Variants in FARP1 observed in about 807,000 individuals in gnomAD.
FARP1 encodes the protein FERM, ARHGEF and pleckstrin domain-containing protein 1.
FARP1 carries 52 observed loss-of-function variants against 128.8 expected under a neutral mutation model. The ratio of observed to expected loss-of-function variants is 0.40; its 90% confidence interval spans 0.32 to 0.51. The LOEUF (loss-of-function observed/expected upper bound fraction) is 0.51, where lower values mean the gene tolerates loss of function less well. Ranked by LOEUF, FARP1 falls within the 20% of genes least tolerant of loss-of-function variation. FARP1 has a pLI of 0.45. For synonymous variants in FARP1, 580 were observed against 551.8 expected (o/e 1.05, Z -0.72); for missense variants, 1,333 against 1,367.9 (o/e 0.97, Z 0.40).
chr13:98,430,390 C>T (rs1443850891), intron 17 of FARP1, among the ~76,000 whole-genome samples: 2 of 152,230 alleles, frequency 1.3e-5, no homozygotes, highest in African/African-American at 2.4e-5. Flanking sequence ...TGCTCTCCCC[C>T]TATCTGCCTG....
intron 1 of FARP1, among the ~76,000 whole-genome samples, chr13:98,210,828 C>A (rs1323202696): frequency 1.3e-5 from 2 of 152,210 alleles, no homozygotes; most frequent in African/African-American, 4.8e-5. Flanking sequence ...GGATTACAGG[C>A]GTGAGCCACC....
rs146718283 is a variant in FARP1, at chr13:98,266,789, A to G, written c.171+53376A>G. ...CATTTTGGGAGGCAGAGGTGGGTGG[A>G]TCGCTTGAGGTCAGGAGTTCGAGAC... On this transcript the variant is annotated intron_variant, in intron 2 of 26. Transcript: ENST00000319562. 1.2e-3 allele frequency among the ~76,000 whole-genome samples: 180 copies of G among 152,236 alleles called. 7 individuals carry two copies. The East Asian group carries it at 0.034, about 29-fold the overall frequency.
At chr13:98,343,933 G>T in intron 3 of FARP1, 67 bp downstream of exon 3, 4 of 1,026,744 alleles carry the variant, frequency 3.9e-6, no homozygotes, top group South Asian at 3.8e-5. Flanking sequence ...CTGGGCAGGG[G>T]CCAGTCTAAA....
At chr13:98,306,186 T>A (rs1402555165) in intron 2 of FARP1, among the ~76,000 whole-genome samples, 1 of 152,246 alleles carries the variant, frequency 6.6e-6, no homozygotes, top group African/African-American at 2.4e-5. Context: ...GAAGTTTGCA[T>A]TGTGTTGTTG....
chr13:98,267,038 G>GA (rs1305661329), intron 2 of FARP1, among the ~76,000 whole-genome samples: 4 of 140,268 alleles, frequency 2.9e-5, no homozygotes, highest in Admixed American at 7.6e-5. Context: ...AAAAAAAGGG[G>GA]TGGTATACAA....
At chr13:98,153,297 A>AATATATATTATATATAAAATATATAAAT (rs375607675) in intron 1 of FARP1, among the ~76,000 whole-genome samples, 2 of 115,000 alleles carry the variant, frequency 1.7e-5, no homozygotes, top group Non-Finnish European at 3.6e-5. Flanking sequence ...AATATATATA[A>AATATATATTATATATAAAATATATAAAT]ATATATTTAT....
At chr13:98,264,579 A>G (rs948158368) in intron 2 of FARP1, among the ~76,000 whole-genome samples, 8 of 152,208 alleles carry the variant, frequency 5.3e-5, no homozygotes, top group African/African-American at 1.9e-4. Context: ...CAATCTGGAT[A>G]TGCCAAAGAG....
At chr13:98,440,953 C>A in intron 24 of FARP1, 117 bp downstream of exon 24, 1 of 1,017,798 alleles carries the variant, frequency 9.8e-7, no homozygotes, top group Non-Finnish European at 1.4e-6. Context: ...CCCACCTACC[C>A]GCGGTGGCTG....
chr13:98,431,261 C>T lies in FARP1; in HGVS notation c.2124C>T (p.Ala708=), dbSNP rs1207703645. ...GCAAACACCACCCGCCGAGCCACGC[C>T]GACTTCAGGGACTGCCGAGGTGAGT... ...RLCKHHPPSH[A]DFRDCRAALA... is the part of the protein sequence containing the mutation. The change falls in exon 18 of 27, where the codon GCC becomes GCT. Residue 708 remains alanine (A), a synonymous_variant. Coordinates refer to ENST00000319562, the MANE Select transcript of FARP1 (RefSeq NM_005766.4). 9 of 1,590,584 alleles carry T rather than the reference C, an allele frequency of 5.7e-6. No individual in the cohort carries two copies. Among genetic ancestry groups the T allele is most frequent in the Admixed American group, 5.3e-5 (3 of 56,660 alleles).
intron 1 of FARP1, among the ~76,000 whole-genome samples, chr13:98,168,952 A>C (rs572196957): frequency 6.6e-6 from 1 of 152,326 alleles, no homozygotes; most frequent in South Asian, 2.1e-4. Flanking sequence ...GTTGGTGTGT[A>C]TATCATTATG....
chr13:98,444,594 G>T (rs369118615), intron 24 of FARP1, among the ~76,000 whole-genome samples: 2 of 152,332 alleles, frequency 1.3e-5, no homozygotes, highest in South Asian at 4.1e-4. Flanking sequence ...ACAGGGGAGC[G>T]GGAGGCTCGG....
chr13:98,276,758 G>A lies in FARP1; in HGVS notation c.171+63345G>A, dbSNP rs1456956055. On this transcript the variant is annotated intron_variant, in intron 2 of 26. Transcript: ENST00000319562. ...AAATGAACCATAATATAATTGCATA[G>A]GATGTAGAATATCCATTGCTTTCCC... Among the ~76,000 whole-genome samples, 178 of 152,284 alleles carry A rather than the reference G, an allele frequency of 1.2e-3. 3 individuals are homozygous for A. Among genetic ancestry groups the A allele is most frequent in the Non-Finnish European group, 1.6e-4 (11 of 68,030 alleles).
rs1211938566 is a variant in FARP1 at position 98,395,380 on chromosome 13, G to A, written c.1318G>A (p.Ala440Thr). The change falls in exon 13 of 27, where the codon GCG becomes ACG. Residue 440 changes from alanine to threonine, a missense_variant. This residue lies in a region of FARP1 where 1,009 missense variants were observed against 969.8 expected (regional missense o/e 1.04). Transcript: ENST00000319562. ...PRRSPAGNKQ[A>T]DGAASAPTEE... Reference sequence around the variant, plus strand: ...GAGAAGCCCCGCGGGTAACAAGCAGGCGGACGGAGCCGCCTCGGCGCCCAC... The same window carrying A: ...GAGAAGCCCCGCGGGTAACAAGCAGACGGACGGAGCCGCCTCGGCGCCCAC... 3.7e-6 allele frequency: 6 copies of A among 1,611,752 alleles called. No individual in the cohort carries two copies. Among genetic ancestry groups the A allele is most frequent in the Non-Finnish European group, 5.1e-6 (6 of 1,179,156 alleles).
chr13:98,436,012 G>A lies in FARP1; in HGVS notation c.2274+306G>A, dbSNP rs188450640. On this transcript the variant is annotated intron_variant, in intron 19 of 26. Transcript: ENST00000319562. ...ATTGCTTATTTTATTTTTTTTAAATGTACATAAATGAAAATGGAAAATTAA... is the reference window on the plus strand; with the variant it reads ...ATTGCTTATTTTATTTTTTTTAAATATACATAAATGAAAATGGAAAATTAA... 592 of 349,554 alleles carry A rather than the reference G, an allele frequency of 1.7e-3. 5 individuals are homozygous for A. The highest frequency in any genetic ancestry group is 0.012 in the African/African-American group (552 of 46,570). 21.7% of individuals were successfully genotyped at this position (349,554 alleles called of 1,614,324 possible). A position where few individuals can be genotyped will look rare whatever the true frequency, so the allele number is the denominator to read the frequency against.
intron 2 of FARP1, among the ~76,000 whole-genome samples, chr13:98,248,532 A>G (rs1883176901): frequency 6.6e-6 from 1 of 152,206 alleles, no homozygotes. Flanking sequence ...TGTTAAATCT[A>G]GGATATGCTG....
intron 2 of FARP1, among the ~76,000 whole-genome samples, chr13:98,224,222 G>A (rs574613799): frequency 6.6e-6 from 1 of 152,160 alleles, no homozygotes; most frequent in East Asian, 1.9e-4. Context: ...CTACAAACCC[G>A]TGGCTTAAAA....
Position 98,368,224 on chromosome 13 carries a change from TGC to T in FARP1, c.398+30_398+31del, listed in dbSNP as rs1441211273. The stretch of plus-strand genomic sequence containing the variant: ...AGTGGTTTGGAAACTGTGTATTTTT[TGC>T]TACAGAGTACAGAGGAAAAGAGAAA... On this transcript the variant is annotated intron_variant, in intron 5 of 26. Transcript: ENST00000319562. 4 of 1,517,912 alleles carry T rather than the reference TGC, an allele frequency of 2.6e-6. No homozygotes were observed. In the African/African-American group the frequency reaches 5.5e-5, roughly 21 times the overall value. The allele number at this position is 1,517,912 out of a possible 1,614,324, so 94.0% of individuals were successfully genotyped here.
At chr13:98,240,536 G>A (rs1882706338) in intron 2 of FARP1, among the ~76,000 whole-genome samples, 1 of 152,236 alleles carries the variant, frequency 6.6e-6, no homozygotes, top group South Asian at 2.1e-4. Context: ...AGCATTATGA[G>A]AAACTGTACC....
intron 13 of FARP1, among the ~76,000 whole-genome samples, chr13:98,409,106 C>T (rs1450129456): frequency 6.6e-6 from 1 of 152,088 alleles, no homozygotes; most frequent in Non-Finnish European, 1.5e-5. Flanking sequence ...GCAGAGTTCT[C>T]TATCTTATCA....
Sources: allele counts gnomAD v4.1 joint callset (sites outside exome capture counted in the v4.1 genomes callset), GRCh38; gene constraint gnomAD v4.1.1; regional missense constraint gnomAD v4.1.1; transcripts MANE v1.5; gene names NCBI Gene and HGNC (gene_info 2026-07-23, HGNC 2026-07-21).